Variants in TENM3 observed in about 807,000 individuals in gnomAD.
The protein encoded by TENM3 is teneurin-3.
In TENM3, 63 loss-of-function variants were observed where a neutral mutation model predicts 255.1. The observed-to-expected ratio is 0.25, with a 90% CI of 0.20 to 0.30. The LOEUF (loss-of-function observed/expected upper bound fraction) is 0.30. Ranked by LOEUF, TENM3 falls within the 10% of genes least tolerant of loss-of-function variation. The pLI is 1.00. For synonymous variants in TENM3, 1,306 were observed against 1,322.3 expected (o/e 0.99, Z 0.27); for missense variants, 2,929 against 3,461.1 (o/e 0.85, Z 3.86).
intron 3 of TENM3, among the ~76,000 whole-genome samples, chr4:182,421,160 G>C (rs1021482329): frequency 1.6e-4 from 24 of 152,096 alleles, no homozygotes; most frequent in African/African-American, 5.6e-4. Flanking sequence ...ATTTCTCTGA[G>C]CCATTGTATC....
the TENM3 span, among the ~76,000 whole-genome samples, chr4:181,791,257 C>T: frequency 2.0e-5 from 3 of 152,208 alleles, no homozygotes; most frequent in Middle Eastern, 6.8e-3. Flanking sequence ...TTTATTGTTT[C>T]GATTGCCACA....
At chr4:181,526,074 C>T in the TENM3 span, among the ~76,000 whole-genome samples, 4 of 152,140 alleles carry the variant, frequency 2.6e-5, no homozygotes, top group Non-Finnish European at 4.4e-5. Context: ...AGCAGTATGA[C>T]TCTAACAATT....
chr4:182,534,658 A>T (rs768909588), intron 3 of TENM3, among the ~76,000 whole-genome samples: 4 of 152,188 alleles, frequency 2.6e-5, no homozygotes, highest in Non-Finnish European at 5.9e-5. Context: ...GTTTCTTCGA[A>T]ATATTAAGCA....
chr4:182,027,342 T>A, the TENM3 span, among the ~76,000 whole-genome samples: 1 of 152,184 alleles, frequency 6.6e-6, no homozygotes, highest in Non-Finnish European at 1.5e-5. Context: ...GCAACTTAAC[T>A]GGATTTGTGT....
intron 1 of TENM3, among the ~76,000 whole-genome samples, chr4:182,171,524 C>T (rs1257902090): frequency 6.6e-6 from 1 of 152,126 alleles, no homozygotes. Context: ...AATGCAGTGG[C>T]ACAATCATAG....
chr4:181,529,129 C>T, the TENM3 span, among the ~76,000 whole-genome samples: 1 of 152,194 alleles, frequency 6.6e-6, no homozygotes, highest in Non-Finnish European at 1.5e-5. Flanking sequence ...GCCCAATGCT[C>T]TACTGCTGGG....
chr4:182,519,868 A>G (rs1380088046), intron 3 of TENM3, among the ~76,000 whole-genome samples: 1 of 152,168 alleles, frequency 6.6e-6, no homozygotes, highest in Non-Finnish European at 1.5e-5. Context: ...ACTTATGTTT[A>G]TACAGTTGTT....
the TENM3 span, among the ~76,000 whole-genome samples, chr4:181,911,101 C>G: frequency 2.0e-5 from 3 of 152,168 alleles, no homozygotes; most frequent in African/African-American, 7.2e-5. Context: ...GTTTAACCCT[C>G]TCAAAATCAC....
intron 1 of TENM3, among the ~76,000 whole-genome samples, chr4:182,205,136 A>T (rs1348162372): frequency 6.6e-6 from 1 of 152,232 alleles, no homozygotes; most frequent in East Asian, 1.9e-4. Context: ...CTCCTTCGGC[A>T]TCTGACTTTG....
intron 3 of TENM3, among the ~76,000 whole-genome samples, chr4:182,378,703 GT>G (rs1341299255): frequency 1.1e-4 from 16 of 152,160 alleles, no homozygotes; most frequent in African/African-American, 3.6e-4. Flanking sequence ...GGAAAGTCGG[GT>G]TTTGCAGAGT....
the TENM3 span, among the ~76,000 whole-genome samples, chr4:181,920,859 G>A: frequency 1.3e-5 from 2 of 152,044 alleles, no homozygotes; most frequent in Admixed American, 6.6e-5. Context: ...GGGTTTTTAC[G>A]GTTTTAGGTC....
At chr4:181,793,820 G>T in the TENM3 span, among the ~76,000 whole-genome samples, 3 of 152,156 alleles carry the variant, frequency 2.0e-5, no homozygotes, top group East Asian at 5.8e-4. Flanking sequence ...TTTAGCAAAT[G>T]TAATACTTGC....
At chr4:181,743,135 A>C in the TENM3 span, among the ~76,000 whole-genome samples, 3 of 152,164 alleles carry the variant, frequency 2.0e-5, no homozygotes, top group South Asian at 6.2e-4. Flanking sequence ...CGCAGTAAAC[A>C]TACGTGTGCA....
chr4:182,386,822 T>G (rs1452236986), intron 3 of TENM3, among the ~76,000 whole-genome samples: 1 of 152,234 alleles, frequency 6.6e-6, no homozygotes, highest in Non-Finnish European at 1.5e-5. Context: ...CCGCCATGCC[T>G]GAGCCTTCCC....
intron 1 of TENM3, among the ~76,000 whole-genome samples, chr4:182,161,871 GTGTATATATATACACACATATA>G (rs1751334943): frequency 2.3e-4 from 3 of 13,332 alleles, no homozygotes; most frequent in Admixed American, 3.2e-3. Flanking sequence ...GTGTATATAT[GTGTATATATATACACACATATA>G]TGTGTATATA....
At chr4:181,772,609 A>G in the TENM3 span, among the ~76,000 whole-genome samples, 239 of 152,306 alleles carry the variant, frequency 1.6e-3, 3 homozygotes, top group South Asian at 6.4e-3. Context: ...TTTTATCACT[A>G]TAATCCCTGG....
intron 2 of TENM3, among the ~76,000 whole-genome samples, chr4:182,330,428 G>A (rs184075232): frequency 6.6e-6 from 1 of 152,130 alleles, no homozygotes; most frequent in East Asian, 1.9e-4. Flanking sequence ...TCAGAGATAC[G>A]GCTGTTGCTT....
Position 182,506,167 on chromosome 4 carries a change from G to A in TENM3, c.512-94757G>A, listed in dbSNP as rs138333082. ...TGTTGCTTAATAGTTACTTACCATC[G>A]GCTTCACTTTAGCCCTGTGCATATG... On this transcript the variant is annotated intron_variant, in intron 3 of 27. Coordinates refer to ENST00000511685, the MANE Select transcript of TENM3 (RefSeq NM_001080477.4). Among the ~76,000 whole-genome samples the A allele has an allele frequency of 1.2e-4, 18 of 152,204 alleles. No homozygotes were observed. The East Asian group carries it at 2.1e-3, about 18-fold the overall frequency.
chr4:182,344,517 G>A (rs1764678061), intron 2 of TENM3, among the ~76,000 whole-genome samples: 1 of 152,100 alleles, frequency 6.6e-6, no homozygotes, highest in Non-Finnish European at 1.5e-5. Context: ...AAAGATTACA[G>A]TTTTCTGCTT....
Sources: gnomAD v4.1 joint callset for allele counts (sites outside exome capture counted in the v4.1 genomes callset) on GRCh38, gnomAD v4.1.1 for gene constraint, MANE v1.5 for transcripts, NCBI Gene and HGNC (gene_info 2026-07-23, HGNC 2026-07-21) for gene names.